Variants in CCDC148 observed in about 807,000 individuals in gnomAD.
CCDC148 encodes coiled-coil domain-containing protein 148.
In CCDC148, 89 loss-of-function variants were observed where a neutral mutation model predicts 85.7. The observed-to-expected ratio is 1.04, with a 90% confidence interval of 0.87 to 1.24. The LOEUF is 1.24. CCDC148 is among the 50% of genes most tolerant of loss of function. The pLI, the probability that CCDC148 is intolerant of heterozygous loss-of-function variation, is 0.00. For synonymous variants in CCDC148, 230 were observed against 213.9 expected (o/e 1.08, Z -0.66); for missense variants, 692 against 671.7 (o/e 1.03, Z -0.33).
At chr2:158,330,440 G>T (rs977271221) in intron 7 of CCDC148, among the ~76,000 whole-genome samples, 5 of 152,172 alleles carry the variant, frequency 3.3e-5, no homozygotes, top group Non-Finnish European at 7.3e-5. Context: ...TTGCATCAAT[G>T]TTTATCAGCG....
intron 1 of CCDC148, among the ~76,000 whole-genome samples, chr2:158,426,834 T>A (rs2105328796): frequency 6.6e-6 from 1 of 152,304 alleles, no homozygotes; most frequent in Admixed American, 6.5e-5. Flanking sequence ...TTCCTTCTGT[T>A]TTTCTATTAC....
chr2:158,430,174 A>G (rs1044637136), intron 1 of CCDC148, among the ~76,000 whole-genome samples: 9 of 152,164 alleles, frequency 5.9e-5, no homozygotes, highest in African/African-American at 2.2e-4. Flanking sequence ...ACCTCTTACT[A>G]GTTAAGGTGG....
intron 7 of CCDC148, among the ~76,000 whole-genome samples, chr2:158,333,351 T>C (rs924860859): frequency 2.6e-5 from 4 of 152,206 alleles, no homozygotes; most frequent in Admixed American, 6.5e-5. Context: ...TAATCCTGAG[T>C]TCTAATTTGA....
rs1684338797 is a variant in CCDC148, at chr2:158,171,995, A to G, written c.*118T>C. 1.3e-6 allele frequency: 1 copy of G among 775,822 alleles called. No individual in the cohort carries two copies. Among genetic ancestry groups the G allele is most frequent in the African/African-American group, 1.8e-5 (1 of 54,572 alleles). 48.1% of individuals were successfully genotyped at this position (775,822 alleles called of 1,614,324 possible). A position where few individuals can be genotyped will look rare whatever the true frequency, so the allele number is the denominator to read the frequency against. On this transcript the variant is annotated 3_prime_UTR_variant, in exon 14 of 14. Coordinates refer to ENST00000283233, the MANE Select transcript of CCDC148 (RefSeq NM_138803.4). ...AAAAGAAAGGCAAAGTTGTTTTAAT[A>G]GATGCTATGATTTCTATGTCTGATA...
intron 2 of CCDC148, among the ~76,000 whole-genome samples, chr2:158,346,813 G>A (rs1175478147): frequency 6.6e-6 from 1 of 152,110 alleles, no homozygotes; most frequent in Non-Finnish European, 1.5e-5. Flanking sequence ...TATAATGCAT[G>A]CTATTTCCAG....
At chr2:158,311,208 G>A (rs1399517244) in intron 8 of CCDC148, among the ~76,000 whole-genome samples, 6 of 152,254 alleles carry the variant, frequency 3.9e-5, no homozygotes, top group East Asian at 1.9e-4. Context: ...GCCAAACTCC[G>A]TCTGCAATCC....
chr2:158,307,093 C>T (rs1471603697), intron 9 of CCDC148, among the ~76,000 whole-genome samples: 1 of 151,162 alleles, frequency 6.6e-6, no homozygotes, highest in Non-Finnish European at 1.5e-5. Flanking sequence ...AAAAGTACTT[C>T]ATTAAAATTA....
At chr2:158,363,215 G>A (rs890195146) in intron 1 of CCDC148, among the ~76,000 whole-genome samples, 12 of 152,056 alleles carry the variant, frequency 7.9e-5, no homozygotes, top group African/African-American at 1.9e-4. Context: ...ATGGCTTCAC[G>A]GCTGAATTCT....
chr2:158,302,089 TG>T (rs796535686), intron 9 of CCDC148, among the ~76,000 whole-genome samples: 5 of 151,940 alleles, frequency 3.3e-5, no homozygotes, highest in African/African-American at 9.7e-5. Flanking sequence ...CTAAAGTAGT[TG>T]GGGGGGTCAC....
intron 10 of CCDC148, among the ~76,000 whole-genome samples, chr2:158,240,452 T>TCTCTCACACACACACACA (rs941238898): frequency 2.5e-5 from 3 of 120,468 alleles, no homozygotes; most frequent in South Asian, 3.2e-4. Flanking sequence ...TCTCTCTCTC[T>TCTCTCACACACACACACA]CACACACACA....
At chr2:158,192,532 C>T (rs1685472166) in intron 11 of CCDC148, among the ~76,000 whole-genome samples, 1 of 152,036 alleles carries the variant, frequency 6.6e-6, no homozygotes, top group Non-Finnish European at 1.5e-5. Context: ...TTACAATGGC[C>T]AAGCGTTGGC....
At chr2:158,357,282 A>G (rs1683707573) in intron 2 of CCDC148, among the ~76,000 whole-genome samples, 1 of 147,350 alleles carries the variant, frequency 6.8e-6, no homozygotes. Flanking sequence ...GGGTGGCTTA[A>G]AAAAAAACAA....
intron 1 of CCDC148, chr2:158,366,072 C>T (rs769348645): frequency 1.8e-5 from 27 of 1,532,914 alleles, no homozygotes; most frequent in South Asian, 1.5e-4. Flanking sequence ...TCATGTTTTC[C>T]GTATCTGTTA....
At chr2:158,180,303 C>A (rs1684834001) in intron 11 of CCDC148, among the ~76,000 whole-genome samples, 1 of 152,104 alleles carries the variant, frequency 6.6e-6, no homozygotes, top group African/African-American at 2.4e-5. Context: ...GTCATTTAGA[C>A]CTCACAACAA....
At chr2:158,365,827 G>T (rs1041191469) in intron 1 of CCDC148, among the ~76,000 whole-genome samples, 3 of 151,806 alleles carry the variant, frequency 2.0e-5, no homozygotes, top group African/African-American at 7.3e-5. Context: ...AGAAAGCAAG[G>T]GTATCCTGAC....
chr2:158,245,590 T>C (rs2105323885), intron 10 of CCDC148, among the ~76,000 whole-genome samples: 1 of 152,300 alleles, frequency 6.6e-6, no homozygotes, highest in South Asian at 2.1e-4. Flanking sequence ...GAAGTGAGGC[T>C]AGAACCATCC....
At chr2:158,180,637 A>C (rs931053932) in intron 11 of CCDC148, among the ~76,000 whole-genome samples, 1 of 152,106 alleles carries the variant, frequency 6.6e-6, no homozygotes, top group Non-Finnish European at 1.5e-5. Context: ...CAAGAACAGA[A>C]CAAGTGAATG....
At chr2:158,433,010 G>A (rs1008466720) in intron 1 of CCDC148, among the ~76,000 whole-genome samples, 6 of 147,668 alleles carry the variant, frequency 4.1e-5, no homozygotes, top group Non-Finnish European at 8.9e-5. Flanking sequence ...GGCCAAGGTG[G>A]GTGGACTGCT....
chr2:158,197,418 T>C (rs1281322793), intron 11 of CCDC148, among the ~76,000 whole-genome samples: 3 of 152,172 alleles, frequency 2.0e-5, no homozygotes, highest in Non-Finnish European at 2.9e-5. Context: ...GGCTTTCTAA[T>C]ATCCTACAAA....
Sources: gnomAD v4.1 joint callset for allele counts (sites outside exome capture counted in the v4.1 genomes callset) on GRCh38, gnomAD v4.1.1 for gene constraint, MANE v1.5 for transcripts, NCBI Gene and HGNC (gene_info 2026-07-23, HGNC 2026-07-21) for gene names.